PCNX2: variants seen among roughly 807,000 people sequenced by gnomAD.
The protein encoded by PCNX2 is pecanex 2, also known as pecanex-like protein 2.
In PCNX2, 168 loss-of-function variants were observed where a neutral mutation model predicts 223.8. The observed-to-expected ratio is 0.75, with a 90% CI of 0.66 to 0.85. The LOEUF (loss-of-function observed/expected upper bound fraction) is 0.85, where lower values mean the gene tolerates loss of function less well. Ranked by LOEUF, PCNX2 falls within the 40% of genes least tolerant of loss-of-function variation. PCNX2 has a pLI of 0.00. For missense variants in PCNX2, 2,507 were observed against 2,675.5 expected, an observed-to-expected ratio of 0.94 and a Z score of 1.39; for synonymous variants, 1,006 against 1,052.6, an observed-to-expected ratio of 0.96 and a Z score of 0.86.
rs1558263162 is a variant in PCNX2, at chr1:233,130,789, C to CAT, written c.3837+4223_3837+4224insAT. Among the ~76,000 whole-genome samples the CAT allele has an allele frequency of 1.3e-3, 201 of 151,950 alleles. 1 individual carries two copies. The highest frequency in any genetic ancestry group is 4.7e-3 in the African/African-American group (195 of 41,420). On this transcript the variant is annotated intron_variant, in intron 21 of 33. Coordinates refer to ENST00000258229, the MANE Select transcript of PCNX2 (RefSeq NM_014801.4). ...TGTGCCACTGTGCCCGGCACCCCCC[C>CAT]CTTTTTTTTTTATTCCAGATCTGGC...
intron 21 of PCNX2, among the ~76,000 whole-genome samples, chr1:233,119,012 G>T (rs981729964): frequency 6.6e-6 from 1 of 151,932 alleles, no homozygotes; most frequent in Non-Finnish European, 1.5e-5. Context: ...TAAACAGATG[G>T]GTCAATAGAA....
chr1:233,312,191 G>A, the PCNX2 span, among the ~76,000 whole-genome samples: 1 of 152,050 alleles, frequency 6.6e-6, no homozygotes, highest in Non-Finnish European at 1.5e-5. Flanking sequence ...CAATAAAATA[G>A]ATAAATTAAT....
At chr1:233,094,059 T>A (rs1028120399) in intron 22 of PCNX2, among the ~76,000 whole-genome samples, 1 of 152,176 alleles carries the variant, frequency 6.6e-6, no homozygotes, top group Non-Finnish European at 1.5e-5. Flanking sequence ...ACAACAGTCT[T>A]AATTCAGTCG....
At chr1:233,304,162 T>C in the PCNX2 span, among the ~76,000 whole-genome samples, 10 of 152,174 alleles carry the variant, frequency 6.6e-5, no homozygotes, top group African/African-American at 2.2e-4. Context: ...GCATTTCCAA[T>C]AGAGGTGGAA....
intron 23 of PCNX2, among the ~76,000 whole-genome samples, chr1:233,060,696 G>A (rs985439324): frequency 2.2e-4 from 33 of 152,182 alleles, no homozygotes; most frequent in African/African-American, 7.7e-4. Context: ...AGGAAACAGG[G>A]CTTATAGCTC....
At chr1:232,989,298 C>T (rs1669609176) in intron 32 of PCNX2, among the ~76,000 whole-genome samples, 1 of 152,112 alleles carries the variant, frequency 6.6e-6, no homozygotes, top group South Asian at 2.1e-4. Flanking sequence ...ACTAAAAATA[C>T]AAAGAATTAG....
chr1:233,237,334 T>C (rs1400249857), intron 8 of PCNX2, among the ~76,000 whole-genome samples: 1 of 152,054 alleles, frequency 6.6e-6, no homozygotes, highest in Non-Finnish European at 1.5e-5. Flanking sequence ...TAAAAACAAA[T>C]AGTGGGCTTG....
intron 13 of PCNX2, among the ~76,000 whole-genome samples, chr1:233,205,522 C>T (rs770753968): frequency 2.0e-5 from 3 of 151,970 alleles, no homozygotes; most frequent in South Asian, 2.1e-4. Context: ...GGTGAAACCC[C>T]GTATCTACTA....
intron 19 of PCNX2, among the ~76,000 whole-genome samples, chr1:233,146,845 A>T (rs1349387112): frequency 6.6e-6 from 1 of 152,242 alleles, no homozygotes; most frequent in Non-Finnish European, 1.5e-5. Context: ...TTAGAAAATG[A>T]CATTTTCCAG....
chr1:233,110,203 G>A (rs1675039712), intron 21 of PCNX2, among the ~76,000 whole-genome samples: 1 of 152,044 alleles, frequency 6.6e-6, no homozygotes, highest in Non-Finnish European at 1.5e-5. Flanking sequence ...ACAACTGCTG[G>A]AAACAAAAGA....
At chr1:233,122,511 T>C (rs1675859755) in intron 21 of PCNX2, among the ~76,000 whole-genome samples, 2 of 147,470 alleles carry the variant, frequency 1.4e-5, no homozygotes, top group East Asian at 2.0e-4. Flanking sequence ...TGATGATTCA[T>C]GTTAATATTA....
At chr1:233,192,006 C>T (rs1420765041) in intron 15 of PCNX2, among the ~76,000 whole-genome samples, 2 of 152,150 alleles carry the variant, frequency 1.3e-5, no homozygotes, top group Non-Finnish European at 2.9e-5. Context: ...GACATTTTCC[C>T]TGGGAAAAAT....
chr1:233,106,900 A>G (rs1288964087), intron 21 of PCNX2, among the ~76,000 whole-genome samples: 2 of 152,170 alleles, frequency 1.3e-5, no homozygotes, highest in African/African-American at 2.4e-5. Context: ...ATAACATTTC[A>G]TCAATCTAGT....
chr1:233,152,970 A>G (rs1677908349), intron 19 of PCNX2, among the ~76,000 whole-genome samples: 1 of 152,276 alleles, frequency 6.6e-6, no homozygotes. Context: ...CGACAGAACC[A>G]GGGTTTGAGC....
chr1:232,993,702 C>T (rs1462555093), intron 32 of PCNX2, among the ~76,000 whole-genome samples: 1 of 152,242 alleles, frequency 6.6e-6, no homozygotes, highest in Non-Finnish European at 1.5e-5. Flanking sequence ...AAGCCCCTCC[C>T]ATCACAGGCC....
intron 12 of PCNX2, 35 bp from the exon 13 acceptor site, chr1:233,208,724 T>G (rs1276320649): frequency 6.4e-7 from 1 of 1,572,438 alleles, no homozygotes; most frequent in South Asian, 1.2e-5. Flanking sequence ...ATGGTACCTC[T>G]TATTTTGATT....
intron 15 of PCNX2, among the ~76,000 whole-genome samples, chr1:233,192,483 T>A (rs1360729931): frequency 6.6e-6 from 1 of 152,196 alleles, no homozygotes; most frequent in Non-Finnish European, 1.5e-5. Flanking sequence ...ACAGAGACGA[T>A]GCTAGGTTAT....
intron 1 of PCNX2, among the ~76,000 whole-genome samples, chr1:233,282,259 G>GT (rs1661231855): frequency 6.6e-6 from 1 of 152,110 alleles, no homozygotes; most frequent in African/African-American, 2.4e-5. Context: ...GGGCCTCACT[G>GT]TTAGCACTCA....
chr1:233,106,102 G>A (rs1674756162), intron 21 of PCNX2, among the ~76,000 whole-genome samples: 1 of 152,118 alleles, frequency 6.6e-6, no homozygotes, highest in Non-Finnish European at 1.5e-5. Context: ...AGGGAGAGAT[G>A]CTTTTGTTCT....
Sources: allele counts gnomAD v4.1 joint callset (sites outside exome capture counted in the v4.1 genomes callset), GRCh38; gene constraint gnomAD v4.1.1; transcripts MANE v1.5; gene names NCBI Gene and HGNC (gene_info 2026-07-23, HGNC 2026-07-21).